The following MYH9 variants were observed in gnomAD, a reference collection of about 807,000 sequenced individuals.
MYH9 encodes myosin heavy chain 9, also known as myosin-9.
A neutral mutation model predicts 241.9 loss-of-function variants in MYH9; 29 were observed. The ratio of observed to expected loss-of-function variants is 0.12; its 90% CI spans 0.09 to 0.16. MYH9 has a LOEUF of 0.16. MYH9 is among the 10% of genes least tolerant of loss of function. The probability of loss-of-function intolerance (pLI) is 1.00; values close to 1 mark genes in which losing one functional copy is unlikely to be tolerated. For synonymous variants in MYH9, 1,047 were observed against 1,062.6 expected (o/e 0.99, Z 0.29); for missense variants, 1,803 against 2,595.5 (o/e 0.69, Z 6.63).
At chr22:36,376,736 T>C (rs2018173004) in intron 1 of MYH9, among the ~76,000 whole-genome samples, 1 of 152,204 alleles carries the variant, frequency 6.6e-6, no homozygotes, top group Non-Finnish European at 1.5e-5. Flanking sequence ...TCAAAAGCTT[T>C]TGGCTATCTA....
At chr22:36,308,970 G>T (rs56232600) in intron 15 of MYH9, 3 of 638,788 alleles carry the variant, frequency 4.7e-6, no homozygotes, top group Non-Finnish European at 5.8e-6. Context: ...CTACCAAGGA[G>T]TAGAGGCGGG....
chr22:36,383,230 C>A (rs56218735), intron 1 of MYH9, among the ~76,000 whole-genome samples: 4 of 151,904 alleles, frequency 2.6e-5, no homozygotes, highest in East Asian at 3.8e-4. Context: ...AAAACGAAAT[C>A]AAAAAACAAA....
rs1328642771 is a variant in MYH9, at chr22:36,304,046, G to C, written c.2339C>G (p.Thr780Ser). Residue 780 changes from threonine (T) to serine (S), a missense_variant, in exon 19 of 41, where the codon ACC becomes AGC. Transcript: ENST00000216181. ...GGCCTGGAACCCTATGATGACGTCG[G>C]TGATCTTCAGGTCTCGCTCCTCCTC... ...HLEEERDLKI[T>S]DVIIGFQACC... The C allele has an allele frequency of 6.2e-7, 1 of 1,613,698 alleles. No homozygotes were observed. Among genetic ancestry groups the C allele is most frequent in the African/African-American group, 1.3e-5 (1 of 74,944 alleles).
In MYH9 at chr22:36,349,123, C is replaced by T. The variant is rs2017727292; in HGVS notation, c.114G>A (p.Lys38=). The change falls in exon 2 of 41, where the codon AAG becomes AAA. Residue 38 remains lysine, a synonymous_variant. Coordinates refer to ENST00000216181, the MANE Select transcript of MYH9 (RefSeq NM_002473.6). ...AKKLVWVPSD[K]SGFEPASLKE... is the part of the protein sequence containing the mutation. ...TGAGGCTGGCTGGCTCAAAGCCACT[C>T]TTGTCGGAAGGCACCCATACCAGCT... 6.2e-7 allele frequency: 1 copy of T among 1,614,226 alleles called. No individual in the cohort carries two copies. Among genetic ancestry groups the T allele is most frequent in the Admixed American group, 1.7e-5 (1 of 60,026 alleles).
chr22:36,379,426 G>A (rs1026087823), intron 1 of MYH9, among the ~76,000 whole-genome samples: 3 of 152,158 alleles, frequency 2.0e-5, no homozygotes, highest in Non-Finnish European at 2.9e-5. Context: ...GGAGAATGGC[G>A]TGAACCCGGG....
chr22:36,353,273 C>T (rs574979376), intron 1 of MYH9, among the ~76,000 whole-genome samples: 3 of 152,160 alleles, frequency 2.0e-5, no homozygotes, highest in Non-Finnish European at 4.4e-5. Context: ...GGCACGACAG[C>T]GGGATACCCG....
At chr22:36,386,280 C>T (rs2018349526) in intron 1 of MYH9, among the ~76,000 whole-genome samples, 1 of 151,970 alleles carries the variant, frequency 6.6e-6, no homozygotes, top group Non-Finnish European at 1.5e-5. Flanking sequence ...CACCACCTGG[C>T]AGAGTCCCTG....
chr22:36,382,863 A>C (rs2018281194), intron 1 of MYH9, among the ~76,000 whole-genome samples: 1 of 152,150 alleles, frequency 6.6e-6, no homozygotes, highest in Non-Finnish European at 1.5e-5. Flanking sequence ...AGGCACTCCC[A>C]TACATAACTT....
At chr22:36,354,127 C>CCTGA in intron 1 of MYH9, among the ~76,000 whole-genome samples, 1 of 152,170 alleles carries the variant, frequency 6.6e-6, no homozygotes, top group South Asian at 2.1e-4. Flanking sequence ...GTCTCAAACT[C>CCTGA]CTGACCTCAT....
At chr22:36,384,311 G>A (rs1020495989) in intron 1 of MYH9, among the ~76,000 whole-genome samples, 3 of 150,562 alleles carry the variant, frequency 2.0e-5, no homozygotes, top group South Asian at 2.1e-4. Context: ...AGCCGGGCAC[G>A]GTGGCTCACA....
At position 36,311,435 on chromosome 22, in the gene MYH9, G is replaced by A. The variant is rs375947437; in HGVS notation, c.1728+614C>T. Reference sequence around the variant, plus strand: ...ATTTTGGGTTGTCACAACTAAGGACGGTGCTCCTAACTCTAGTGGGTAGCA... The same window carrying A: ...ATTTTGGGTTGTCACAACTAAGGACAGTGCTCCTAACTCTAGTGGGTAGCA... On this transcript the variant is annotated intron_variant, in intron 14 of 40. Coordinates refer to ENST00000216181, the MANE Select transcript of MYH9 (RefSeq NM_002473.6). Among the ~76,000 whole-genome samples, 140 of 152,106 alleles carry A rather than the reference G, an allele frequency of 9.2e-4. 1 individual carries two copies. The highest frequency in any genetic ancestry group is 3.0e-3 in the African/African-American group (126 of 41,460).
At chr22:36,335,319 G>A (rs2017481573) in intron 3 of MYH9, among the ~76,000 whole-genome samples, 1 of 152,236 alleles carries the variant, frequency 6.6e-6, no homozygotes, top group Admixed American at 6.5e-5. Flanking sequence ...ATCTTGGAGA[G>A]CCCACGCTGC....
At chr22:36,343,803 A>C (rs2017629919) in intron 2 of MYH9, among the ~76,000 whole-genome samples, 1 of 152,136 alleles carries the variant, frequency 6.6e-6, no homozygotes, top group Admixed American at 6.6e-5. Flanking sequence ...CCTCTGCGTG[A>C]ATGTTGAGTG....
At chr22:36,383,665 AG>A (rs35424710) in intron 1 of MYH9, among the ~76,000 whole-genome samples, 63,870 of 142,340 alleles carry the variant, frequency 0.45, 16,730 homozygotes, top group Non-Finnish European at 0.62. Context: ...TTAAAAAAAA[AG>A]GGGGGGGGGT....
Position 36,284,524 on chromosome 22 carries a change from C to G in MYH9, c.5484-13G>C, listed in dbSNP as rs727505086. On this transcript the variant is annotated splice_polypyrimidine_tract_variant and intron_variant, in intron 38 of 40. Coordinates refer to ENST00000216181, the MANE Select transcript of MYH9 (RefSeq NM_002473.6). ...TGCCTGGCGCTCCCTGCATGACAGACAAGGTGGCTCAGAGGGAACACCCTC... is the reference window on the plus strand; with the variant it reads ...TGCCTGGCGCTCCCTGCATGACAGAGAAGGTGGCTCAGAGGGAACACCCTC... 1 of 1,610,948 alleles carries G rather than the reference C, an allele frequency of 6.2e-7. No homozygotes were observed. Among genetic ancestry groups the G allele is most frequent in the Non-Finnish European group, 8.5e-7 (1 of 1,179,836 alleles).
chr22:36,371,327 C>A (rs950525019), intron 1 of MYH9, among the ~76,000 whole-genome samples: 5 of 152,220 alleles, frequency 3.3e-5, no homozygotes, highest in East Asian at 3.9e-4. Context: ...GGAAGAGACA[C>A]CAGGCGTGTG....
In MYH9 at chr22:36,319,642, G is replaced by A; in HGVS notation, c.1013-7C>T. On this transcript the variant is annotated splice_region_variant and splice_polypyrimidine_tract_variant and intron_variant, in intron 9 of 40. Transcript: ENST00000216181. ...GAGATGACCCGCAGCAGGCCTTTGG[G>A]TGCAATCAGAGGCAGCTCAGAAGCA... 6.2e-7 allele frequency: 1 copy of A among 1,613,914 alleles called. No individual in the cohort carries two copies. The highest frequency in any genetic ancestry group is 1.3e-5 in the African/African-American group (1 of 74,998).
Position 36,283,537 on chromosome 22 carries a change from CA to C in MYH9, c.5765+555del, listed in dbSNP as rs1301439151. ...GGGCAACAAGAGCGAAACTCCGTCTCAAAAAAAAAAAACAAAAAAAATAAAA... is the reference window on the plus strand; with the variant it reads ...GGGCAACAAGAGCGAAACTCCGTCTCAAAAAAAAAAACAAAAAAAATAAAA... On this transcript the variant is annotated intron_variant, in intron 40 of 40. Coordinates refer to ENST00000216181, the MANE Select transcript of MYH9 (RefSeq NM_002473.6). Among the ~76,000 whole-genome samples, 145 of 70,198 alleles carry C rather than the reference CA, an allele frequency of 2.1e-3. No homozygotes were observed. The East Asian group carries it at 0.033, about 16-fold the overall frequency. 46.1% of individuals were successfully genotyped at this position (70,198 alleles called of 152,430 possible).
At chr22:36,361,638 G>A (rs1429989646) in intron 1 of MYH9, among the ~76,000 whole-genome samples, 2 of 152,202 alleles carry the variant, frequency 1.3e-5, no homozygotes, top group Non-Finnish European at 2.9e-5. Context: ...CATGGGAAGG[G>A]GTGGGGGCAA....
Sources: allele counts gnomAD v4.1 joint callset (sites outside exome capture counted in the v4.1 genomes callset), GRCh38; gene constraint gnomAD v4.1.1; transcripts MANE v1.5; gene names NCBI Gene and HGNC (gene_info 2026-07-23, HGNC 2026-07-21).